Variants in NECAB2 observed in about 807,000 individuals in gnomAD.
NECAB2 encodes the protein N-terminal EF-hand calcium binding protein 2, also known as N-terminal EF-hand calcium-binding protein 2.
In NECAB2, 68 loss-of-function variants were observed where a neutral mutation model predicts 51.9. That is an observed-to-expected ratio of 1.31 (90% CI 1.08 to 1.60). The LOEUF is 1.60. NECAB2 is among the 40% of genes most tolerant of loss of function. NECAB2 has a pLI of 0.00. For missense variants in NECAB2, 854 were observed against 490.3 expected (o/e 1.74, Z -7.00); for synonymous variants, 329 against 203.5 (o/e 1.62, Z -5.25).
chr16:83,974,322 G>C (rs540489284), intron 2 of NECAB2, among the ~76,000 whole-genome samples: 1 of 152,132 alleles, frequency 6.6e-6, no homozygotes, highest in East Asian at 1.9e-4. Flanking sequence ...CTGTAAATGG[G>C]AATAATTACA....
chr16:84,000,049 G>A (rs1734904615), intron 10 of NECAB2, among the ~76,000 whole-genome samples: 1 of 139,474 alleles, frequency 7.2e-6, no homozygotes, highest in South Asian at 2.1e-4. Flanking sequence ...ACCAGGCCCA[G>A]CAAGTTTTAT....
intron 1 of NECAB2, among the ~76,000 whole-genome samples, chr16:83,970,483 C>T (rs1764260606): frequency 6.6e-6 from 1 of 152,102 alleles, no homozygotes; most frequent in Non-Finnish European, 1.5e-5. Flanking sequence ...TTGAGAGGCC[C>T]TCCCATAGCT....
upstream of NECAB2, among the ~76,000 whole-genome samples, chr16:83,967,647 G>A (rs1299212153): frequency 7.2e-6 from 1 of 138,810 alleles, no homozygotes; most frequent in Non-Finnish European, 1.6e-5. Flanking sequence ...TAGATGGATA[G>A]ATGGGAGGGT....
chr16:83,968,128 C>A (rs947425705), upstream of NECAB2, among the ~76,000 whole-genome samples: 1 of 151,190 alleles, frequency 6.6e-6, no homozygotes, highest in African/African-American at 2.4e-5. Context: ...TGCACGCCCG[C>A]GGGAGTTAAG....
chr16:83,997,002 C>T (rs1204065174), intron 8 of NECAB2, among the ~76,000 whole-genome samples: 9 of 152,040 alleles, frequency 5.9e-5, no homozygotes, highest in African/African-American at 1.9e-4. Context: ...CCCCTTGCTG[C>T]CTCTCCCAAG....
At position 83,968,441 on chromosome 16, in the gene NECAB2, G is replaced by T. The variant is rs1338515752; in HGVS notation, c.-208G>T. On this transcript the variant is annotated 5_prime_UTR_variant, in exon 1 of 13. Coordinates refer to ENST00000305202, the MANE Select transcript of NECAB2 (RefSeq NM_019065.3). ...CAGGCCCCGCGCCCGGCCGGCGGGG[G>T]TGGGGGCGGCGGGGAGCGGGCACGT... Among the ~76,000 whole-genome samples, 1 of 147,096 alleles carries T rather than the reference G, an allele frequency of 6.8e-6. No individual in the cohort carries two copies. The highest frequency in any genetic ancestry group is 1.5e-5 in the Non-Finnish European group (1 of 66,254).
upstream of NECAB2, chr16:83,966,116 C>G (rs552099252): frequency 1.0e-5 from 9 of 897,208 alleles, no homozygotes; most frequent in Non-Finnish European, 1.5e-5. Flanking sequence ...TGTCAGCCCA[C>G]GTTGCTGGCC....
In NECAB2 at chr16:83,981,029, G is replaced by T. The variant is rs201257179; in HGVS notation, c.362-1G>T. On this transcript the variant is annotated splice_acceptor_variant, in intron 4 of 12. Transcript: ENST00000305202. LOFTEE classifies it high-confidence loss of function. ...CCTGACCTTTGCCTTTCCTTCCCCA[G>T]ATTACTTTGTGGACCACATGGGTGA... 4 of 1,614,042 alleles carry T rather than the reference G, an allele frequency of 2.5e-6. No individual in the cohort carries two copies. The highest frequency in any genetic ancestry group is 3.4e-6 in the Non-Finnish European group (4 of 1,179,906).
chr16:83,991,687 C>A (rs1348101889), intron 6 of NECAB2, among the ~76,000 whole-genome samples: 1 of 151,904 alleles, frequency 6.6e-6, no homozygotes, highest in African/African-American at 2.4e-5. Flanking sequence ...CTTGCTGTGT[C>A]CCCCAGGCTG....
intron 6 of NECAB2, among the ~76,000 whole-genome samples, chr16:83,991,590 G>T (rs2084626541): frequency 6.7e-6 from 1 of 148,880 alleles, no homozygotes; most frequent in Non-Finnish European, 1.5e-5. Flanking sequence ...TGGTCTTTAG[G>T]GTGATCCACC....
chr16:83,973,749 ATGTC>A (rs972493637), intron 2 of NECAB2, among the ~76,000 whole-genome samples: 74 of 150,838 alleles, frequency 4.9e-4, no homozygotes, highest in Admixed American at 2.7e-4. Flanking sequence ...TCCTCGGTAA[ATGTC>A]TGTAGACTTG....
chr16:83,997,937 C>T (rs1317524728), intron 9 of NECAB2, among the ~76,000 whole-genome samples: 1 of 152,144 alleles, frequency 6.6e-6, no homozygotes, highest in Admixed American at 6.5e-5. Flanking sequence ...GGAGGCTGTG[C>T]AGGTGGTTGT....
Position 83,978,558 on chromosome 16 carries a change from C to A in NECAB2, c.335+6C>A. On this transcript the variant is annotated splice_donor_region_variant and intron_variant, in intron 3 of 12. Coordinates refer to ENST00000305202, the MANE Select transcript of NECAB2 (RefSeq NM_019065.3). ...ATTGACTCTGACAACACCAAGTGAG[C>A]TTCAGTCCTGGCTGGCAGAGTGGGG... 1 of 1,608,908 alleles carries A rather than the reference C, an allele frequency of 6.2e-7. No homozygotes were observed. The highest frequency in any genetic ancestry group is 8.5e-7 in the Non-Finnish European group (1 of 1,175,848).
chr16:83,980,793 C>T (rs752344977), intron 3 of NECAB2, 46 bp from the exon 4 acceptor site: 117 of 1,554,234 alleles, frequency 7.5e-5, no homozygotes, highest in Non-Finnish European at 9.7e-5. Context: ...GGCCTGCTAA[C>T]CCCCTCTCTG....
At chr16:83,993,619 GCTGT>G (rs2084654004) in intron 6 of NECAB2, 1 of 133,258 alleles carries the variant, frequency 7.5e-6, no homozygotes, top group South Asian at 2.5e-4. Context: ...TGCAAGGTGA[GCTGT>G]GTGTGTGTGT....
chr16:83,965,212 C>T, upstream of NECAB2: 2 of 1,613,066 alleles, frequency 1.2e-6, no homozygotes, highest in African/African-American at 2.7e-5. Flanking sequence ...GCTGTGGGGC[C>T]CAGGACTCCA....
chr16:83,992,525 C>G (rs994727687), intron 6 of NECAB2, among the ~76,000 whole-genome samples: 1 of 152,162 alleles, frequency 6.6e-6, no homozygotes. Context: ...CACCCAAGCT[C>G]GATTGAGCCC....
chr16:83,998,706 C>G (rs1325335159), intron 10 of NECAB2, among the ~76,000 whole-genome samples: 1 of 152,182 alleles, frequency 6.6e-6, no homozygotes, highest in Non-Finnish European at 1.5e-5. Flanking sequence ...ACACTTAAGT[C>G]CAGGCCCAGA....
chr16:84,002,116 C>T (rs2084848739), intron 12 of NECAB2, among the ~76,000 whole-genome samples, 200 bp downstream of exon 12: 2 of 152,186 alleles, frequency 1.3e-5, no homozygotes, highest in Non-Finnish European at 2.9e-5. Flanking sequence ...CACCAGAGCA[C>T]CCCCTCCACG....
Sources: gnomAD v4.1 joint callset for allele counts (sites outside exome capture counted in the v4.1 genomes callset) on GRCh38, gnomAD v4.1.1 for gene constraint, MANE v1.5 for transcripts, NCBI Gene and HGNC (gene_info 2026-07-23, HGNC 2026-07-21) for gene names.